Variants in C16orf95 observed in about 807,000 individuals in gnomAD.
C16orf95 encodes chromosome 16 open reading frame 95, also known as uncharacterized protein C16orf95.
In C16orf95, 41 loss-of-function variants were observed where a neutral mutation model predicts 32.1. The observed-to-expected ratio is 1.28, with a 90% CI of 1.00 to 1.66. The LOEUF (loss-of-function observed/expected upper bound fraction) is 1.66, where lower values mean the gene tolerates loss of function less well. Among genes scored for constraint, C16orf95 ranks in the 40% most tolerant of loss-of-function variants. The pLI is 0.00. For synonymous variants in C16orf95, 147 were observed against 128.9 expected, an observed-to-expected ratio of 1.14 and a Z score of -0.95; for missense variants, 399 against 325.9, an observed-to-expected ratio of 1.22 and a Z score of -1.73.
intron 5 of C16orf95, among the ~76,000 whole-genome samples, chr16:87,307,969 A>G (rs1017527834): frequency 2.0e-5 from 3 of 152,136 alleles, no homozygotes; most frequent in African/African-American, 7.2e-5. Context: ...AGATTTTTTA[A>G]GATTAGAAAA....
chr16:87,305,296 C>A lies in C16orf95; in HGVS notation c.701+423G>T, dbSNP rs1910963300. 6.6e-6 allele frequency among the ~76,000 whole-genome samples: 1 copy of A among 152,098 alleles called. No homozygotes were observed. Among genetic ancestry groups the A allele is most frequent in the Non-Finnish European group, 1.5e-5 (1 of 67,994 alleles). On this transcript the variant is annotated intron_variant, in intron 6 of 6. Transcript: ENST00000567970. This position sits in a 1 kb window ranked among gnomAD's most constrained non-coding sequence, Gnocchi z 4.2. ...CTAGTATGGAGACTGGCGGCTGGGG[C>A]TCAAGCTGGGGACAGGCAAGAGGTC... is the stretch of plus-strand genomic sequence containing the variant.
intron 5 of C16orf95, among the ~76,000 whole-genome samples, chr16:87,309,119 T>C (rs1191442285): frequency 1.3e-5 from 2 of 152,130 alleles, no homozygotes; most frequent in African/African-American, 2.4e-5. Flanking sequence ...CATCAGTGAG[T>C]TTACCATTGT....
At chr16:87,314,894 C>G (rs1904305961) in intron 3 of C16orf95, 77 bp downstream of exon 3, 1 of 1,264,214 alleles carries the variant, frequency 7.9e-7, no homozygotes, top group Non-Finnish European at 1.1e-6. Flanking sequence ...TATAATACTT[C>G]TAATTCTGAG....
chr16:87,310,277 C>A lies in C16orf95; in HGVS notation c.514+20G>T. The A allele has an allele frequency of 6.6e-7, 1 of 1,524,336 alleles. No individual in the cohort carries two copies. Among genetic ancestry groups the A allele is most frequent in the Admixed American group, 2.0e-5 (1 of 50,906 alleles). The allele number at this position is 1,524,336 out of a possible 1,614,324, so 94.4% of individuals were successfully genotyped here. Reference sequence around the variant, plus strand: ...TTCTGGGGAGGGGGATGATATGAGACACACACACACTGGAGTTACCTTGGA... The same window carrying A: ...TTCTGGGGAGGGGGATGATATGAGAAACACACACACTGGAGTTACCTTGGA... On this transcript the variant is annotated intron_variant, in intron 5 of 6. Transcript: ENST00000567970.
At chr16:87,306,651 T>C (rs1020505739) in intron 5 of C16orf95, among the ~76,000 whole-genome samples, 2 of 152,210 alleles carry the variant, frequency 1.3e-5, no homozygotes, top group African/African-American at 4.8e-5. Flanking sequence ...ACCAGTCAGA[T>C]TTGCAGCCAA....
At chr16:87,303,257 A>G (rs904243000) in intron 6 of C16orf95, 182 bp from the exon 7 acceptor site, 35 of 596,626 alleles carry the variant, frequency 5.9e-5, no homozygotes, top group Non-Finnish European at 9.5e-5. Context: ...AGTCCTGGCC[A>G]TATCGCTTTC....
intron 1 of C16orf95, among the ~76,000 whole-genome samples, chr16:87,316,824 C>A (rs565959241): frequency 1.2e-4 from 18 of 152,162 alleles, no homozygotes; most frequent in Non-Finnish European, 2.2e-4. Flanking sequence ...GGGAAGCCAG[C>A]AAAAAGGAAG....
intron 3 of C16orf95, among the ~76,000 whole-genome samples, chr16:87,314,290 A>C (rs1904301278): frequency 6.6e-6 from 1 of 152,218 alleles, no homozygotes; most frequent in Non-Finnish European, 1.5e-5. Context: ...CGAATGAATA[A>C]ACTGTGGCCT....
At chr16:87,309,738 G>A (rs1306076764) in intron 5 of C16orf95, among the ~76,000 whole-genome samples, 1 of 152,046 alleles carries the variant, frequency 6.6e-6, no homozygotes, top group African/African-American at 2.4e-5. Flanking sequence ...AATACATATT[G>A]TATTGTGAAT....
chr16:87,313,504 C>T (rs974608666), intron 3 of C16orf95, among the ~76,000 whole-genome samples: 69 of 152,198 alleles, frequency 4.5e-4, no homozygotes, highest in African/African-American at 1.6e-3. Flanking sequence ...GAGGCCGAGG[C>T]GGGTGGGTCA....
At position 87,305,695 on chromosome 16, in the gene C16orf95, G is replaced by A. The variant is rs1332674247; in HGVS notation, c.701+24C>T. 2 of 1,478,176 alleles carry A rather than the reference G, an allele frequency of 1.4e-6. No individual in the cohort carries two copies. The highest frequency in any genetic ancestry group is 1.8e-6 in the Non-Finnish European group (2 of 1,119,862). The allele number at this position is 1,478,176 out of a possible 1,614,324, so 91.6% of individuals were successfully genotyped here. A position where few individuals can be genotyped will look rare whatever the true frequency, so the allele number is the denominator to read the frequency against. ...CGTCACCATGCCAGGGCCACCCACT[G>A]TCCCCCATCCCCCACCTGCTCACCG... On this transcript the variant is annotated intron_variant, in intron 6 of 6. Transcript: ENST00000567970. The surrounding 1 kb of genome is among the most constrained non-coding windows in gnomAD (Gnocchi z 4.2).
In C16orf95 at chr16:87,305,644, T is replaced by G. The variant is rs1910984787; in HGVS notation, c.701+75A>C. 7.5e-7 allele frequency: 1 copy of G among 1,331,944 alleles called. No homozygotes were observed. The highest frequency in any genetic ancestry group is 9.9e-7 in the Non-Finnish European group (1 of 1,007,098). The allele number at this position is 1,331,944 out of a possible 1,614,324, so 82.5% of individuals were successfully genotyped here. A position where few individuals can be genotyped will look rare whatever the true frequency, so the allele number is the denominator to read the frequency against. ...ACCCCCCACTCTTCCACATCCCTGA[T>G]GGCCACCAAGCCTCCCTCAGGTGGA... On this transcript the variant is annotated intron_variant, in intron 6 of 6. Coordinates refer to ENST00000567970, the MANE Select transcript of C16orf95 (RefSeq NM_001195124.3). This position sits in a 1 kb window ranked among gnomAD's most constrained non-coding sequence, Gnocchi z 4.2.
chr16:87,313,392 C>T (rs1420242918), intron 3 of C16orf95, among the ~76,000 whole-genome samples: 1 of 152,160 alleles, frequency 6.6e-6, no homozygotes, highest in Non-Finnish European at 1.5e-5. Context: ...TGTCAGTCCA[C>T]TTGTATGGCC....
intron 5 of C16orf95, among the ~76,000 whole-genome samples, chr16:87,309,853 ATAAT>A (rs1221195160): frequency 3.9e-5 from 6 of 152,240 alleles, no homozygotes; most frequent in African/African-American, 1.4e-4. Context: ...GAATAGATAC[ATAAT>A]TATTATGTTT....
At chr16:87,316,409 C>A (rs1186131895) in intron 1 of C16orf95, among the ~76,000 whole-genome samples, 1 of 152,144 alleles carries the variant, frequency 6.6e-6, no homozygotes, top group African/African-American at 2.4e-5. Context: ...GGTGCAAAGC[C>A]CTGCTTCCCT....
rs970233260 is a variant in C16orf95 at position 87,303,096 on chromosome 16, G to A, written c.702-21C>T. On this transcript the variant is annotated intron_variant, in intron 6 of 6. Transcript: ENST00000567970. Reference sequence around the variant, plus strand: ...ACTGGCTGGAAAGCAAAGAGAGACAGTTACTAGGACCCGGCCCCAGGCTGA... The same window carrying A: ...ACTGGCTGGAAAGCAAAGAGAGACAATTACTAGGACCCGGCCCCAGGCTGA... The A allele has an allele frequency of 5.9e-6, 9 of 1,535,970 alleles. No individual in the cohort carries two copies. In the African/African-American group the frequency reaches 1.1e-4, roughly 19 times the overall value.
chr16:87,313,888 C>T (rs1436338969), intron 3 of C16orf95, among the ~76,000 whole-genome samples: 2 of 151,974 alleles, frequency 1.3e-5, no homozygotes, highest in Non-Finnish European at 2.9e-5. Flanking sequence ...AAACAGATGC[C>T]TCATCGAGTA....
At chr16:87,307,019 G>C (rs1180969020) in intron 5 of C16orf95, among the ~76,000 whole-genome samples, 4 of 152,156 alleles carry the variant, frequency 2.6e-5, no homozygotes. Context: ...GTGAGCAGTT[G>C]GTTGGTGATT....
At chr16:87,308,918 G>A (rs1249302906) in intron 5 of C16orf95, among the ~76,000 whole-genome samples, 1 of 152,206 alleles carries the variant, frequency 6.6e-6, no homozygotes, top group Non-Finnish European at 1.5e-5. Context: ...GTTGGCTAGT[G>A]TTTCTGCTGG....
Sources: gnomAD v4.1 joint callset for allele counts (sites outside exome capture counted in the v4.1 genomes callset) on GRCh38, gnomAD v4.1.1 for gene constraint, Gnocchi (gnomAD v3.1) non-coding constraint, MANE v1.5 for transcripts, NCBI Gene and HGNC (gene_info 2026-07-23, HGNC 2026-07-21) for gene names.